Variants in MUC5AC observed in about 807,000 individuals in gnomAD.
The protein encoded by MUC5AC is mucin 5AC, oligomeric mucus/gel-forming.
MUC5AC carries 158 observed loss-of-function variants against 169.7 expected under a neutral mutation model. That is an observed-to-expected ratio of 0.93 (90% CI 0.82 to 1.06). MUC5AC has a LOEUF of 1.06. MUC5AC is among the 50% of genes least tolerant of loss of function. The pLI, the probability that MUC5AC is intolerant of heterozygous loss-of-function variation, is 0.00. For missense variants in MUC5AC, 4,359 were observed against 3,089.9 expected, an observed-to-expected ratio of 1.41 and a Z score of -9.74; for synonymous variants, 1,975 against 1,237.0, an observed-to-expected ratio of 1.60 and a Z score of -12.52.
intron 11 of MUC5AC, 38 bp from the exon 12 acceptor site, chr11:1,167,810 CTGGCAGGGCCAGGTGGGCTGGGCGTTGGA>C: frequency 7.4e-7 from 1 of 1,356,314 alleles, no homozygotes. Flanking sequence ...GCCGGGTGGA[CTGGCAGGGCCAGGTGGGCTGGGCGTTGGA>C]TGGAGTGTGA....
chr11:1,186,984 A>G lies in MUC5AC; in HGVS notation c.8839A>G (p.Thr2947Ala). 1.4e-6 allele frequency: 1 copy of G among 740,510 alleles called. No homozygotes were observed. The highest frequency in any genetic ancestry group is 1.4e-5 in the South Asian group (1 of 71,230). The allele number at this position is 740,510 out of a possible 1,614,324, so 45.9% of individuals were successfully genotyped here. The change falls in exon 31 of 49, where the codon ACT (threonine) becomes GCT (alanine). Residue 2947 changes from threonine to alanine, a missense_variant. Coordinates refer to ENST00000621226, the MANE Select transcript of MUC5AC (RefSeq NM_001304359.2). ...TTSTTSVPGTTPSPVPTTSTI... is the reference protein window; with the variant it reads ...TTSTTSVPGTAPSPVPTTSTI... ...CAGCACAACTTCTGTTCCTGGAACT[A>G]CTCCCAGCCCTGTTCCTACCACCAG... is the stretch of plus-strand genomic sequence containing the variant.
chr11:1,169,817 C>T (rs1446556700), intron 15 of MUC5AC, among the ~76,000 whole-genome samples: 1,799 of 144,718 alleles, frequency 0.012, 10 homozygotes, highest in Non-Finnish European at 0.02. Flanking sequence ...CACTCACCCA[C>T]TCACCCATTC....
rs1861040762 is a variant in MUC5AC, at chr11:1,189,672, C to G, written c.11527C>G (p.Pro3843Ala). 1 of 628,196 alleles carries G rather than the reference C, an allele frequency of 1.6e-6. No homozygotes were observed. The highest frequency in any genetic ancestry group is 2.6e-5 in the Admixed American group (1 of 38,140). The allele number at this position is 628,196 out of a possible 1,614,324, so 38.9% of individuals were successfully genotyped here. A position where few individuals can be genotyped will look rare whatever the true frequency, so the allele number is the denominator to read the frequency against. The change falls in exon 31 of 49, where the codon CCT (proline) becomes GCT (alanine). Residue 3843 changes from proline (P) to alanine (A), a missense_variant. Pro to Ala is a conservative substitution (Grantham distance 27). Transcript: ENST00000621226. ...TCCTACAACCAGCACAACTTCTGCC[C>G]CTACAACCAGCACAACCTCCACTCC... ...SAPTTSTTSA[P>A]TTSTTSTPQT...
intron 4 of MUC5AC, 55 bp from the exon 5 acceptor site, chr11:1,162,477 C>A: frequency 6.6e-7 from 1 of 1,505,840 alleles, no homozygotes; most frequent in Non-Finnish European, 9.2e-7. Context: ...ATCTGCCCTG[C>A]CTGGGGTCTC....
intron 1 of MUC5AC, among the ~76,000 whole-genome samples, chr11:1,160,043 T>C (rs531307075): frequency 3.8e-4 from 55 of 144,950 alleles, no homozygotes; most frequent in Admixed American, 1.4e-3. Context: ...GAGGCTGTGG[T>C]CTGGTCCCAC....
At position 1,194,260 on chromosome 11, in the gene MUC5AC, C is replaced by T. The variant is rs74699626; in HGVS notation, c.14906C>T (p.Ala4969Val). Reference protein sequence around the residue: ...RVLVDNYFCGAEDGLSCPRSI... With the variant: ...RVLVDNYFCGVEDGLSCPRSI... ...CTCGTCGACAACTACTTCTGCGGTG[C>T]GGAGGACGGGCTCTCCTGCCCGAGG... is the stretch of plus-strand genomic sequence containing the variant. The change falls in exon 34 of 49, where the codon GCG (alanine) becomes GTG (valine). Residue 4969 changes from alanine to valine, a missense_variant. By Grantham distance (64) the Ala-to-Val change is moderately conservative. Coordinates refer to ENST00000621226, the MANE Select transcript of MUC5AC (RefSeq NM_001304359.2). The T allele has an allele frequency of 1.3e-5, 10 of 764,274 alleles. No individual in the cohort carries two copies. Among genetic ancestry groups the T allele is most frequent in the East Asian group, 4.9e-5 (2 of 41,212 alleles). 47.3% of individuals were successfully genotyped at this position (764,274 alleles called of 1,614,324 possible). A position where few individuals can be genotyped will look rare whatever the true frequency, so the allele number is the denominator to read the frequency against.
At chr11:1,174,788 G>A in intron 17 of MUC5AC, 94 bp from the exon 18 acceptor site, 1 of 459,082 alleles carries the variant, frequency 2.2e-6, no homozygotes, top group Non-Finnish European at 3.9e-6. Context: ...AGGAGGGGAG[G>A]GGAGGGTAGC....
chr11:1,164,613 A>G, intron 9 of MUC5AC, 81 bp downstream of exon 9: 1 of 1,492,542 alleles, frequency 6.7e-7, no homozygotes, highest in Non-Finnish European at 8.9e-7. Flanking sequence ...GCCTCGGAAG[A>G]AGGACCCCAG....
rs1268305477 is a variant in MUC5AC at position 1,183,753 on chromosome 11, A to G, written c.5608A>G (p.Lys1870Glu). 9 of 482,496 alleles carry G rather than the reference A, an allele frequency of 1.9e-5. No individual in the cohort carries two copies. In the Middle Eastern group the frequency reaches 1.5e-3, roughly 81 times the overall value. 29.9% of individuals were successfully genotyped at this position (482,496 alleles called of 1,614,324 possible). The part of the protein sequence containing the change: ...PAQTTPSTTS[K>E]TTETQASGSS... Reference sequence around the variant, plus strand: ...CCAGACCACTCCTTCAACAACCTCCAAGACCACTGAAACCCAGGCCTCAGG... The same window carrying G: ...CCAGACCACTCCTTCAACAACCTCCGAGACCACTGAAACCCAGGCCTCAGG... Residue 1870 changes from lysine (K) to glutamate (E), a missense_variant, in exon 31 of 49, where the codon AAG becomes GAG. Transcript: ENST00000621226.
chr11:1,197,777 A>G, intron 41 of MUC5AC, 126 bp from the exon 42 acceptor site: 2 of 631,266 alleles, frequency 3.2e-6, no homozygotes, highest in East Asian at 2.7e-5. Context: ...CGCTTCCGCA[A>G]CAGCCTCATC....
chr11:1,158,542 C>T (rs1860031486), intron 1 of MUC5AC, among the ~76,000 whole-genome samples: 1 of 152,192 alleles, frequency 6.6e-6, no homozygotes, highest in African/African-American at 2.4e-5. Flanking sequence ...AGGTCTCAGC[C>T]TCTGAGCTGG....
chr11:1,194,066 C>G, intron 33 of MUC5AC, 44 bp from the exon 34 acceptor site: 1 of 757,134 alleles, frequency 1.3e-6, no homozygotes, highest in Admixed American at 1.7e-5. Context: ...GGCCATGGTG[C>G]CACCACCCGA....
intron 30 of MUC5AC, among the ~76,000 whole-genome samples, chr11:1,181,766 C>T (rs964539523): frequency 2.0e-5 from 3 of 152,184 alleles, no homozygotes; most frequent in Non-Finnish European, 2.9e-5. Context: ...AGGCTGGCCC[C>T]GGGGATGCAT....
In MUC5AC at chr11:1,189,718, C is replaced by A; in HGVS notation, c.11573C>A (p.Ala3858Asp). 3.1e-6 allele frequency: 2 copies of A among 641,806 alleles called. No homozygotes were observed. The highest frequency in any genetic ancestry group is 5.7e-6 in the Non-Finnish European group (2 of 353,696). 39.8% of individuals were successfully genotyped at this position (641,806 alleles called of 1,614,324 possible). Residue 3858 changes from alanine (A) to aspartate (D), a missense_variant, in exon 31 of 49, where the codon GCC (alanine) becomes GAC (aspartate). Ala to Asp is a moderately radical substitution (Grantham distance 126). Transcript: ENST00000621226. ...TSTPQTSISS[A>D]PTSSTTSAPT... is the part of the protein sequence containing the mutation. The stretch of plus-strand genomic sequence containing the variant: ...ACTCCACAGACCAGCATATCCTCTG[C>A]CCCTACAAGCAGCACAACCTCTGCT...
chr11:1,196,369 T>C lies in MUC5AC; in HGVS notation c.15638-19T>C. The C allele has an allele frequency of 1.3e-6, 1 of 764,322 alleles. No homozygotes were observed. Among genetic ancestry groups the C allele is most frequent in the Non-Finnish European group, 2.4e-6 (1 of 417,428 alleles). 47.3% of individuals were successfully genotyped at this position (764,322 alleles called of 1,614,324 possible). A position where few individuals can be genotyped will look rare whatever the true frequency, so the allele number is the denominator to read the frequency against. On this transcript the variant is annotated intron_variant, in intron 37 of 48. Coordinates refer to ENST00000621226, the MANE Select transcript of MUC5AC (RefSeq NM_001304359.2). ...GGGTGCCCTCCCACCCTCTCAGGTG[T>C]GGCTTCCCCTCCCCACAGCATTCAC...
In MUC5AC at chr11:1,194,556, G is replaced by C. The variant is rs772179907; in HGVS notation, c.15076G>C (p.Val5026Leu). Residue 5026 changes from valine to leucine, a missense_variant, in exon 35 of 49, where the codon GTC becomes CTC. By Grantham distance (32) the Val-to-Leu change is conservative. Transcript: ENST00000621226. ...CGGCATCGTGGTCTCGCGCATCGGC[G>C]TCAAGATGTACGCGACCATCCCGGA... is the stretch of plus-strand genomic sequence containing the variant. Reference protein sequence around the residue: ...KNGIVVSRIGVKMYATIPELG... With the variant: ...KNGIVVSRIGLKMYATIPELG... 2 of 764,198 alleles carry C rather than the reference G, an allele frequency of 2.6e-6. No homozygotes were observed. Among genetic ancestry groups the C allele is most frequent in the East Asian group, 2.4e-5 (1 of 41,230 alleles). 47.3% of individuals were successfully genotyped at this position (764,198 alleles called of 1,614,324 possible).
At position 1,158,069 on chromosome 11, in the gene MUC5AC, A is replaced by G. The variant is rs773726459; in HGVS notation, c.70A>G (p.Thr24Ala). 1.2e-6 allele frequency: 2 copies of G among 1,605,950 alleles called. No homozygotes were observed. Among genetic ancestry groups the G allele is most frequent in the East Asian group, 4.5e-5 (2 of 44,742 alleles). The change falls in exon 1 of 49, where the codon ACA becomes GCA. Residue 24 changes from threonine to alanine, a missense_variant. Coordinates refer to ENST00000621226, the MANE Select transcript of MUC5AC (RefSeq NM_001304359.2). ...TCTCGCTCTGGCCTGCACCCGGCAT[A>G]CAGGTACGGCTTGGCCCCTGGCCGC... is the stretch of plus-strand genomic sequence containing the variant. ...LALALACTRHTGHAQDGSSES... is the reference protein window; with the variant it reads ...LALALACTRHAGHAQDGSSES...
At position 1,181,192 on chromosome 11, in the gene MUC5AC, C is replaced by G. The variant is rs1029883610; in HGVS notation, c.3820+10C>G. 2 of 398,650 alleles carry G rather than the reference C, an allele frequency of 5.0e-6. No homozygotes were observed. The highest frequency in any genetic ancestry group is 2.5e-4 in the South Asian group (2 of 7,874). The allele number at this position is 398,650 out of a possible 1,614,324, so 24.7% of individuals were successfully genotyped here. On this transcript the variant is annotated intron_variant, in intron 29 of 48. Coordinates refer to ENST00000621226, the MANE Select transcript of MUC5AC (RefSeq NM_001304359.2). ...ACCTACAAAGCTGAGGGTGAGCGGC[C>G]GGCAGCCCCTGGGGCTGGGGTCCGG...
At chr11:1,198,736 G>C (rs1294969189) in intron 43 of MUC5AC, 138 bp from the exon 44 acceptor site, 1 of 631,540 alleles carries the variant, frequency 1.6e-6, no homozygotes, top group Non-Finnish European at 2.9e-6. Context: ...AGTCACCCCA[G>C]GGGTGCAACT....
Sources: gnomAD v4.1 joint callset for allele counts (sites outside exome capture counted in the v4.1 genomes callset) on GRCh38, gnomAD v4.1.1 for gene constraint, MANE v1.5 for transcripts, NCBI Gene and HGNC (gene_info 2026-07-23, HGNC 2026-07-21) for gene names.